ATP11A: variants seen among roughly 807,000 people sequenced by gnomAD.
ATP11A encodes the protein ATPase phospholipid transporting 11A.
Under a neutral mutation model 154.4 loss-of-function variants are expected in ATP11A, and 81 were observed. That is an observed-to-expected ratio of 0.52 (90% confidence interval 0.44 to 0.63). The LOEUF is 0.63. ATP11A is among the 30% of genes least tolerant of loss of function. The pLI, the probability that ATP11A is intolerant of heterozygous loss-of-function variation, is 0.00. For synonymous variants in ATP11A, 623 were observed against 585.9 expected (o/e 1.06, Z -0.91); for missense variants, 1,316 against 1,474.3 (o/e 0.89, Z 1.76).
chr13:112,787,225 C>T (rs1283975336), intron 2 of ATP11A, among the ~76,000 whole-genome samples: 1 of 138,030 alleles, frequency 7.2e-6, no homozygotes, highest in Non-Finnish European at 1.5e-5. Context: ...TGTGTAGACC[C>T]CTGTGGATAC....
intron 14 of ATP11A, among the ~76,000 whole-genome samples, chr13:112,834,141 T>TGG (rs2079169978): frequency 6.6e-6 from 1 of 152,252 alleles, no homozygotes; most frequent in Non-Finnish European, 1.5e-5. Flanking sequence ...AGGCCTGCGC[T>TGG]GGACCTTCGT....
chr13:112,803,804 TCCCTCCCCTCCTTCCTCTCCTTC>T (rs1339595432), intron 2 of ATP11A, among the ~76,000 whole-genome samples: 4 of 62,166 alleles, frequency 6.4e-5, no homozygotes, highest in African/African-American at 7.4e-5. Flanking sequence ...TTACTTCCCC[TCCCTCCCCTCCTTCCTCTCCTTC>T]CCCTCCTCCT....
At chr13:112,768,939 C>T (rs188558654) in intron 1 of ATP11A, among the ~76,000 whole-genome samples, 8 of 152,318 alleles carry the variant, frequency 5.3e-5, no homozygotes, top group Admixed American at 3.3e-4. Flanking sequence ...CTTGTCTTCA[C>T]CTGCAGTTCA....
intron 2 of ATP11A, among the ~76,000 whole-genome samples, chr13:112,793,455 G>A (rs1163563551): frequency 2.6e-5 from 4 of 152,158 alleles, no homozygotes; most frequent in African/African-American, 7.2e-5. Flanking sequence ...CACCCGCCTC[G>A]GCCTCCCAAA....
chr13:112,810,856 G>A, intron 5 of ATP11A, 130 bp downstream of exon 5: 1 of 784,160 alleles, frequency 1.3e-6, no homozygotes, highest in East Asian at 2.7e-5. Flanking sequence ...GGATCGCTGA[G>A]CCTGGAAGTC....
intron 1 of ATP11A, among the ~76,000 whole-genome samples, chr13:112,723,170 C>G (rs1889391069): frequency 6.6e-6 from 1 of 151,624 alleles, no homozygotes; most frequent in African/African-American, 2.4e-5. Flanking sequence ...CTTAGTGCCA[C>G]AGAGTCTGGT....
rs184368874 is a variant in ATP11A, at chr13:112,775,664, A to T, written c.40-9471A>T. Among the ~76,000 whole-genome samples the T allele has an allele frequency of 1.6e-3, 245 of 152,182 alleles. 1 individual carries two copies. Among genetic ancestry groups the T allele is most frequent in the African/African-American group, 4.2e-3 (174 of 41,510 alleles). ...TGTTAACATTTGTGAGATCTGGGTG[A>T]TTTATTTCCTTACTCCAGTTTTCTG... On this transcript the variant is annotated intron_variant, in intron 1 of 29. Coordinates refer to ENST00000375645, the MANE Select transcript of ATP11A (RefSeq NM_015205.3).
At chr13:112,810,090 C>A (rs914387197) in intron 4 of ATP11A, among the ~76,000 whole-genome samples, 1 of 151,044 alleles carries the variant, frequency 6.6e-6, no homozygotes, top group African/African-American at 2.4e-5. Flanking sequence ...AGTGAGCCGG[C>A]GTTTCACCGA....
At chr13:112,772,454 A>G (rs2139952629) in intron 1 of ATP11A, among the ~76,000 whole-genome samples, 1 of 152,314 alleles carries the variant, frequency 6.6e-6, no homozygotes, top group Middle Eastern at 3.4e-3. Flanking sequence ...TCACCCACTT[A>G]AACAATTTGA....
chr13:112,807,297 G>A lies in ATP11A; in HGVS notation c.333+1004G>A, dbSNP rs2078349641. ...ATGCAGCTGTGCAGTCAGTACATGG[G>A]GCCTGTGTGTCTTCACTAGGCCAGA... On this transcript the variant is annotated intron_variant, in intron 4 of 29. Transcript: ENST00000375645. This position sits in a 1 kb window ranked among gnomAD's most constrained non-coding sequence, Gnocchi z 4.5. Among the ~76,000 whole-genome samples, 1 of 152,198 alleles carries A rather than the reference G, an allele frequency of 6.6e-6. No homozygotes were observed. The highest frequency in any genetic ancestry group is 2.4e-5 in the African/African-American group (1 of 41,444).
intron 17 of ATP11A, among the ~76,000 whole-genome samples, chr13:112,847,658 A>G (rs2140313590): frequency 6.6e-6 from 1 of 152,332 alleles, no homozygotes; most frequent in Non-Finnish European, 1.5e-5. Context: ...GATTACTGTC[A>G]GTTTCTAGCA....
intron 12 of ATP11A, among the ~76,000 whole-genome samples, chr13:112,830,866 G>A (rs969445238): frequency 6.6e-6 from 1 of 152,142 alleles, no homozygotes; most frequent in African/African-American, 2.4e-5. Flanking sequence ...TCTGAGATTT[G>A]TTTTGTCCTT....
At chr13:112,720,517 G>T (rs1427703531) in intron 1 of ATP11A, among the ~76,000 whole-genome samples, 1 of 152,174 alleles carries the variant, frequency 6.6e-6, no homozygotes, top group Non-Finnish European at 1.5e-5. Flanking sequence ...GGAGACCGGG[G>T]CTTTATCACG....
intron 1 of ATP11A, among the ~76,000 whole-genome samples, chr13:112,766,790 A>G (rs1388113478): frequency 3.0e-5 from 4 of 134,248 alleles, no homozygotes; most frequent in Non-Finnish European, 3.2e-5. Context: ...TGTGAGGAGG[A>G]TGTGGGGGCG....
intron 28 of ATP11A, among the ~76,000 whole-genome samples, chr13:112,876,779 T>G (rs2080739953): frequency 6.6e-6 from 1 of 151,794 alleles, no homozygotes; most frequent in Non-Finnish European, 1.5e-5. Context: ...AGACGGGGAG[T>G]GAGTGGGGGC....
chr13:112,755,129 G>A (rs1019288424), intron 1 of ATP11A, among the ~76,000 whole-genome samples: 4 of 151,704 alleles, frequency 2.6e-5, no homozygotes, highest in Non-Finnish European at 5.9e-5. Context: ...ACATTTTCAC[G>A]TGTCCCCAAA....
At chr13:112,803,794 T>C (rs1441030967) in intron 2 of ATP11A, among the ~76,000 whole-genome samples, 2 of 69,460 alleles carry the variant, frequency 2.9e-5, no homozygotes, top group East Asian at 9.3e-4. Flanking sequence ...CCTCCCTGCC[T>C]TACTTCCCCT....
At chr13:112,808,765 G>A (rs918158978) in intron 4 of ATP11A, among the ~76,000 whole-genome samples, 4 of 152,202 alleles carry the variant, frequency 2.6e-5, no homozygotes, top group South Asian at 2.1e-4. Context: ...TGGCTCTGCC[G>A]CCGCCATCGC....
Position 112,883,321 on chromosome 13 carries a change from G to T in ATP11A, c.*1455G>T. 2.5e-6 allele frequency: 1 copy of T among 397,960 alleles called. No individual in the cohort carries two copies. The highest frequency in any genetic ancestry group is 3.6e-5 in the East Asian group (1 of 28,072). 24.7% of individuals were successfully genotyped at this position (397,960 alleles called of 1,614,324 possible). On this transcript the variant is annotated 3_prime_UTR_variant, in exon 30 of 30. Transcript: ENST00000375645. ...ATTTCTAGAAATAATATTTGACATA[G>T]CCTTAATGGTCCTTAAAGAAGACAT... is the stretch of plus-strand genomic sequence containing the variant.
Sources: allele counts gnomAD v4.1 joint callset (sites outside exome capture counted in the v4.1 genomes callset), GRCh38; gene constraint gnomAD v4.1.1; non-coding constraint Gnocchi (gnomAD v3.1); transcripts MANE v1.5; gene names NCBI Gene and HGNC (gene_info 2026-07-23, HGNC 2026-07-21).